LDB2: variants seen among roughly 807,000 people sequenced by gnomAD.
LDB2 encodes LIM domain binding 2, also known as LIM domain-binding protein 2.
Under a neutral mutation model 44.3 loss-of-function variants are expected in LDB2, and 12 were observed. The ratio of observed to expected loss-of-function variants is 0.27; its 90% CI spans 0.17 to 0.44. LDB2 has a LOEUF of 0.44. Among genes scored for constraint, LDB2 ranks in the 20% least tolerant of loss-of-function variants. The pLI is 1.00. For synonymous variants in LDB2, 164 were observed against 174.8 expected (o/e 0.94, Z 0.49); for missense variants, 344 against 473.5 (o/e 0.73, Z 2.54).
At chr4:16,739,650 G>GTA (rs1278116476) in intron 2 of LDB2, among the ~76,000 whole-genome samples, 5 of 49,186 alleles carry the variant, frequency 1.0e-4, no homozygotes, top group African/African-American at 4.3e-4. Flanking sequence ...ATATACATAT[G>GTA]TGTGTATATA....
intron 1 of LDB2, among the ~76,000 whole-genome samples, chr4:16,786,255 T>G (rs894589206): frequency 6.6e-6 from 1 of 152,210 alleles, no homozygotes. Flanking sequence ...ACCACTCAAG[T>G]TTCCAGGGAG....
At chr4:16,742,313 G>T (rs552196934) in intron 2 of LDB2, among the ~76,000 whole-genome samples, 1 of 151,888 alleles carries the variant, frequency 6.6e-6, no homozygotes, top group East Asian at 1.9e-4. Flanking sequence ...CTTGTGATCC[G>T]CCCACCTTGG....
At chr4:16,764,180 C>T (rs996683065) in intron 1 of LDB2, among the ~76,000 whole-genome samples, 1 of 152,078 alleles carries the variant, frequency 6.6e-6, no homozygotes, top group African/African-American at 2.4e-5. Flanking sequence ...AAATGCTTTA[C>T]AAGAGTTAGA....
chr4:16,628,680 G>A (rs1029634915), intron 2 of LDB2, among the ~76,000 whole-genome samples: 3 of 152,046 alleles, frequency 2.0e-5, no homozygotes, highest in African/African-American at 7.2e-5. Context: ...AGCTCCCAGC[G>A]AGATAGACGC....
chr4:16,734,698 GT>G (rs1330826144), intron 2 of LDB2, among the ~76,000 whole-genome samples: 1 of 120,002 alleles, frequency 8.3e-6, no homozygotes, highest in Non-Finnish European at 1.7e-5. Context: ...CCAACTTCTT[GT>G]TTTCTTTTTT....
chr4:16,615,682 TG>T (rs1727098015), intron 2 of LDB2, among the ~76,000 whole-genome samples: 1 of 152,054 alleles, frequency 6.6e-6, no homozygotes, highest in South Asian at 2.1e-4. Context: ...CATATACCTA[TG>T]TAACAAACCT....
chr4:16,844,032 G>A (rs1274800801), intron 1 of LDB2, among the ~76,000 whole-genome samples: 1 of 150,726 alleles, frequency 6.6e-6, no homozygotes, highest in Non-Finnish European at 1.5e-5. Context: ...ATGGGAGGAC[G>A]GGTTGAGCCC....
At chr4:16,829,075 C>T (rs1031866310) in intron 1 of LDB2, among the ~76,000 whole-genome samples, 2 of 152,174 alleles carry the variant, frequency 1.3e-5, no homozygotes, top group Admixed American at 6.5e-5. Flanking sequence ...CCTCCTCCCT[C>T]ACTGGAACTC....
At chr4:16,552,791 G>C (rs188434578) in intron 5 of LDB2, among the ~76,000 whole-genome samples, 2 of 152,270 alleles carry the variant, frequency 1.3e-5, no homozygotes, top group East Asian at 3.9e-4. Flanking sequence ...GACACTTTCT[G>C]ACTTGGATGA....
chr4:16,840,079 T>C (rs1269121396), intron 1 of LDB2, among the ~76,000 whole-genome samples: 1 of 152,188 alleles, frequency 6.6e-6, no homozygotes, highest in Non-Finnish European at 1.5e-5. Flanking sequence ...ATCACCTGTT[T>C]TAACTTTCCC....
intron 2 of LDB2, among the ~76,000 whole-genome samples, chr4:16,689,249 G>A (rs545024937): frequency 1.3e-5 from 2 of 152,256 alleles, no homozygotes; most frequent in South Asian, 4.1e-4. Flanking sequence ...ACAGGGTGGG[G>A]GAATATGCTA....
intron 1 of LDB2, among the ~76,000 whole-genome samples, chr4:16,845,355 T>G (rs535182877): frequency 1.8e-4 from 27 of 152,304 alleles, no homozygotes; most frequent in Non-Finnish European, 3.4e-4. Flanking sequence ...TGGCCGCCCC[T>G]GTTTCCTTTG....
chr4:16,822,416 T>C (rs1561350386), intron 1 of LDB2, among the ~76,000 whole-genome samples: 1 of 152,138 alleles, frequency 6.6e-6, no homozygotes, highest in Non-Finnish European at 1.5e-5. Flanking sequence ...TCCACGGAAT[T>C]TTTTTTAGGT....
chr4:16,689,425 G>T (rs377026686), intron 2 of LDB2, among the ~76,000 whole-genome samples: 2 of 152,098 alleles, frequency 1.3e-5, no homozygotes, highest in Non-Finnish European at 2.9e-5. Flanking sequence ...TTATGTAAAC[G>T]TTTCATGATG....
intron 1 of LDB2, among the ~76,000 whole-genome samples, chr4:16,871,096 A>G (rs1330925865): frequency 6.6e-6 from 1 of 152,212 alleles, no homozygotes; most frequent in Non-Finnish European, 1.5e-5. Flanking sequence ...CTAACTTCCA[A>G]TTAAACAAAT....
At chr4:16,781,409 TAA>T (rs1415352750) in intron 1 of LDB2, among the ~76,000 whole-genome samples, 1 of 151,922 alleles carries the variant, frequency 6.6e-6, no homozygotes, top group African/African-American at 2.4e-5. Context: ...AGTTAGAAAA[TAA>T]AGTCAGAGCA....
At chr4:16,690,270 G>C (rs1750307367) in intron 2 of LDB2, among the ~76,000 whole-genome samples, 1 of 151,530 alleles carries the variant, frequency 6.6e-6, no homozygotes, top group Non-Finnish European at 1.5e-5. Flanking sequence ...AGACTAGCCT[G>C]GGCAACATGA....
intron 2 of LDB2, among the ~76,000 whole-genome samples, chr4:16,687,678 A>T (rs1440082792): frequency 6.6e-6 from 1 of 152,142 alleles, no homozygotes; most frequent in Non-Finnish European, 1.5e-5. Context: ...TACTCATCCA[A>T]TGTAAGGAAC....
At position 16,766,438 on chromosome 4, in the gene LDB2, A is replaced by ATG. The variant is rs1198800597; in HGVS notation, c.133-7180_133-7179dup. Reference sequence around the variant, plus strand: ...TATATGTCTATATATAAATGTATGTATGTGTGTGTATATATATACACACAC... The same window carrying ATG: ...TATATGTCTATATATAAATGTATGTATGTGTGTGTGTATATATATACACACAC... On this transcript the variant is annotated intron_variant, in intron 1 of 7. Transcript: ENST00000304523. 2.8e-5 allele frequency among the ~76,000 whole-genome samples: 4 copies of ATG among 144,862 alleles called. No homozygotes were observed. In the South Asian group the frequency reaches 6.6e-4, roughly 24 times the overall value.
Sources: gnomAD v4.1 joint callset for allele counts (sites outside exome capture counted in the v4.1 genomes callset) on GRCh38, gnomAD v4.1.1 for gene constraint, MANE v1.5 for transcripts, NCBI Gene and HGNC (gene_info 2026-07-23, HGNC 2026-07-21) for gene names.